TECRL: variants seen among roughly 807,000 people sequenced by gnomAD.
TECRL encodes the protein trans-2,3-enoyl-CoA reductase-like.
A neutral mutation model predicts 52.8 loss-of-function variants in TECRL; 63 were observed. That is an observed-to-expected ratio of 1.19 (90% CI 0.97 to 1.47). The LOEUF is 1.47. Ranked by LOEUF, TECRL falls within the 40% of genes most tolerant of loss-of-function variation. TECRL has a pLI of 0.00. For missense variants in TECRL, 482 were observed against 429.6 expected (o/e 1.12, Z -1.08); for synonymous variants, 164 against 141.9 (o/e 1.16, Z -1.10).
At chr4:64,339,844 A>G (rs552838260) in intron 2 of TECRL, among the ~76,000 whole-genome samples, 75 of 152,266 alleles carry the variant, frequency 4.9e-4, no homozygotes, top group African/African-American at 1.7e-3. Flanking sequence ...TTTTCCAAGA[A>G]TTATTCTACT....
chr4:64,400,213 G>T (rs1724257566), intron 1 of TECRL, among the ~76,000 whole-genome samples: 1 of 152,124 alleles, frequency 6.6e-6, no homozygotes, highest in Non-Finnish European at 1.5e-5. Flanking sequence ...TTTAATTATT[G>T]TTCTACTAGG....
chr4:64,369,753 C>T (rs1721859783), intron 2 of TECRL, among the ~76,000 whole-genome samples: 1 of 151,840 alleles, frequency 6.6e-6, no homozygotes, highest in Non-Finnish European at 1.5e-5. Context: ...AGTATTGTCA[C>T]AATTATTTTA....
chr4:64,395,822 T>A (rs1723907760), intron 1 of TECRL, among the ~76,000 whole-genome samples: 1 of 152,122 alleles, frequency 6.6e-6, no homozygotes, highest in Non-Finnish European at 1.5e-5. Flanking sequence ...CTTACTCTCC[T>A]TCTACCCTCC....
At chr4:64,310,861 G>C (rs1716939986) in intron 5 of TECRL, among the ~76,000 whole-genome samples, 1 of 152,034 alleles carries the variant, frequency 6.6e-6, no homozygotes, top group Admixed American at 6.6e-5. Flanking sequence ...CTAGACTACA[G>C]GACCACACCG....
At chr4:64,360,865 T>G (rs4860595) in intron 2 of TECRL, among the ~76,000 whole-genome samples, 136,754 of 152,132 alleles carry the variant, frequency 0.9, 62,120 homozygotes, top group East Asian at 1. Flanking sequence ...AGATAGAACT[T>G]CCTGGGGAAT....
At chr4:64,389,539 T>G (rs1310736744) in intron 1 of TECRL, among the ~76,000 whole-genome samples, 1 of 151,988 alleles carries the variant, frequency 6.6e-6, no homozygotes, top group Non-Finnish European at 1.5e-5. Flanking sequence ...TGAGAATTGT[T>G]ACATCTATAT....
chr4:64,367,438 CATT>C (rs1286644200), intron 2 of TECRL, among the ~76,000 whole-genome samples: 13 of 152,180 alleles, frequency 8.5e-5, no homozygotes, highest in African/African-American at 3.1e-4. Context: ...CTAATGCAAT[CATT>C]AATACATTCC....
At chr4:64,325,837 G>A (rs538332981) in intron 3 of TECRL, among the ~76,000 whole-genome samples, 24 of 151,978 alleles carry the variant, frequency 1.6e-4, no homozygotes, top group Admixed American at 3.9e-4. Context: ...TTTAAAATGT[G>A]GTCCCATGAA....
intron 2 of TECRL, 33 bp downstream of exon 2, chr4:64,375,139 T>C (rs1560539734): frequency 1.9e-6 from 2 of 1,077,052 alleles, no homozygotes; most frequent in Non-Finnish European, 1.3e-6. Flanking sequence ...TAAAACATTA[T>C]GATGTAAATT....
In TECRL at chr4:64,300,021, G is replaced by A; in HGVS notation, c.731-4C>T. 6.4e-7 allele frequency: 1 copy of A among 1,569,996 alleles called. No individual in the cohort carries two copies. The highest frequency in any genetic ancestry group is 8.7e-7 in the Non-Finnish European group (1 of 1,154,536). On this transcript the variant is annotated splice_polypyrimidine_tract_variant and splice_region_variant and intron_variant, in intron 7 of 11. Coordinates refer to ENST00000381210, the MANE Select transcript of TECRL (RefSeq NM_001010874.5). ...GTGATTTGCCTGTTTCCAAATGCTG[G>A]AGAGTAGAAAAAGAATATGTCATGC...
chr4:64,311,937 CA>C (rs1440087284), intron 5 of TECRL, among the ~76,000 whole-genome samples: 1 of 152,040 alleles, frequency 6.6e-6, no homozygotes, highest in Non-Finnish European at 1.5e-5. Flanking sequence ...TTACAAATAG[CA>C]AGGGAGGCAT....
intron 5 of TECRL, among the ~76,000 whole-genome samples, chr4:64,312,030 A>G (rs1041327301): frequency 2.0e-5 from 3 of 152,188 alleles, no homozygotes; most frequent in Admixed American, 6.5e-5. Flanking sequence ...CTTGACGCAG[A>G]TACAGTTCCT....
Position 64,285,447 on chromosome 4 carries a change from AT to A in TECRL, c.833-3889del, listed in dbSNP as rs371087518. The stretch of plus-strand genomic sequence containing the variant: ...GCCACCTGAGAACATGACTCATGAC[AT>A]TTTGTACAATCAATATTAAATGGTT... On this transcript the variant is annotated intron_variant, in intron 9 of 11. Transcript: ENST00000381210. 5.2e-3 allele frequency among the ~76,000 whole-genome samples: 793 copies of A among 152,224 alleles called. 11 individuals are homozygous for A. Among genetic ancestry groups the A allele is most frequent in the South Asian group, 0.032 (155 of 4,828 alleles).
chr4:64,400,771 G>C (rs1842953), intron 1 of TECRL, among the ~76,000 whole-genome samples: 146,743 of 152,196 alleles, frequency 0.96, 70,930 homozygotes, highest in East Asian at 1. Flanking sequence ...CCTGCTCCCC[G>C]TTAGCATTCT....
In TECRL at chr4:64,301,808, A is replaced by G. The variant is rs75968769; in HGVS notation, c.731-1791T>C. The stretch of plus-strand genomic sequence containing the variant: ...GCCTTATTCTTATTTTTAAATGAAA[A>G]TGAATAATGATGTGATAAAAACAAG... On this transcript the variant is annotated intron_variant, in intron 7 of 11. Transcript: ENST00000381210. Among the ~76,000 whole-genome samples, 888 of 151,328 alleles carry G rather than the reference A, an allele frequency of 5.9e-3. 3 individuals are homozygous for G. The highest frequency in any genetic ancestry group is 0.016 in the African/African-American group (674 of 41,510).
At chr4:64,340,329 A>T (rs1466557104) in intron 2 of TECRL, among the ~76,000 whole-genome samples, 1 of 152,136 alleles carries the variant, frequency 6.6e-6, no homozygotes, top group African/African-American at 2.4e-5. Context: ...CACCCAAATC[A>T]TGGCTGCAGG....
chr4:64,378,483 A>C (rs1722554051), intron 1 of TECRL, among the ~76,000 whole-genome samples: 1 of 152,088 alleles, frequency 6.6e-6, no homozygotes, highest in South Asian at 2.1e-4. Context: ...ACAGAGGGAG[A>C]CCCTGTCTCA....
chr4:64,299,931 C>A (rs766082394), intron 8 of TECRL, 43 bp downstream of exon 8: 5 of 1,320,256 alleles, frequency 3.8e-6, no homozygotes, highest in Admixed American at 2.2e-5. Flanking sequence ...TTAATAATAC[C>A]AAAATTAGAG....
chr4:64,353,334 G>C (rs796748894), intron 2 of TECRL, among the ~76,000 whole-genome samples: 2 of 152,096 alleles, frequency 1.3e-5, no homozygotes, highest in African/African-American at 4.8e-5. Context: ...AGGTACTAAA[G>C]AATGGATAAA....
Sources: gnomAD v4.1 joint callset for allele counts (sites outside exome capture counted in the v4.1 genomes callset) on GRCh38, gnomAD v4.1.1 for gene constraint, MANE v1.5 for transcripts, NCBI Gene and HGNC (gene_info 2026-07-23, HGNC 2026-07-21) for gene names.